The following EHMT1 variants were observed in gnomAD, a reference collection of about 807,000 sequenced individuals.
EHMT1 encodes the protein histone-lysine N-methyltransferase EHMT1.
Under a neutral mutation model 147.2 loss-of-function variants are expected in EHMT1, and 15 were observed. The observed-to-expected ratio is 0.10, with a 90% confidence interval of 0.07 to 0.16. The LOEUF (loss-of-function observed/expected upper bound fraction) is 0.16, where lower values mean the gene tolerates loss of function less well. Among genes scored for constraint, EHMT1 ranks in the 10% least tolerant of loss-of-function variants. The pLI is 1.00. For missense variants in EHMT1, 1,587 were observed against 1,772.4 expected, an observed-to-expected ratio of 0.90 and a Z score of 1.88; for synonymous variants, 795 against 709.6, an observed-to-expected ratio of 1.12 and a Z score of -1.91.
At chr9:137,697,558 TAGA>T (rs1188213995) in intron 1 of EHMT1, among the ~76,000 whole-genome samples, 3 of 150,736 alleles carry the variant, frequency 2.0e-5, no homozygotes, top group African/African-American at 7.3e-5. Context: ...TAGCCTCATG[TAGA>T]AGGACACTTT....
intron 1 of EHMT1, among the ~76,000 whole-genome samples, chr9:137,708,070 A>G (rs1302184366): frequency 1.3e-5 from 2 of 152,264 alleles, no homozygotes; most frequent in Non-Finnish European, 2.9e-5. Context: ...TTAAAAAATA[A>G]TAAAAGTAAA....
At chr9:137,748,604 C>T (rs1176041480) in intron 6 of EHMT1, among the ~76,000 whole-genome samples, 1 of 152,210 alleles carries the variant, frequency 6.6e-6, no homozygotes, top group Non-Finnish European at 1.5e-5. Context: ...TCGGAGCATC[C>T]CCTCTGCTGT....
chr9:137,718,223 G>A (rs1945558581), intron 3 of EHMT1, among the ~76,000 whole-genome samples: 1 of 152,238 alleles, frequency 6.6e-6, no homozygotes, highest in African/African-American at 2.4e-5. Context: ...CACACACAGG[G>A]CACGCGTGCT....
chr9:137,639,545 C>G (rs1844330943), intron 1 of EHMT1, among the ~76,000 whole-genome samples: 1 of 152,156 alleles, frequency 6.6e-6, no homozygotes, highest in Non-Finnish European at 1.5e-5. Context: ...TTTGACACTT[C>G]TCTCATTATG....
chr9:137,825,197 C>T (rs1186344052), intron 25 of EHMT1, among the ~76,000 whole-genome samples: 1 of 152,182 alleles, frequency 6.6e-6, no homozygotes, highest in Admixed American at 6.5e-5. Context: ...TGCCACGCTG[C>T]CTTCCTCACA....
chr9:137,834,544 C>T lies in EHMT1; in HGVS notation c.3716+20C>T, dbSNP rs746425128. The T allele has an allele frequency of 1.2e-6, 2 of 1,608,628 alleles. No individual in the cohort carries two copies. Among genetic ancestry groups the T allele is most frequent in the East Asian group, 4.5e-5 (2 of 44,848 alleles). ...GCTCGGGTACGCACCGCCCCGGCCC[C>T]TGGCCATCTCCGCTGCCGGCGGGAC... is the stretch of plus-strand genomic sequence containing the variant. On this transcript the variant is annotated intron_variant, in intron 26 of 26. Coordinates refer to ENST00000460843, the MANE Select transcript of EHMT1 (RefSeq NM_024757.5).
At chr9:137,674,437 T>TGA (rs1941026005) in intron 1 of EHMT1, among the ~76,000 whole-genome samples, 1 of 152,220 alleles carries the variant, frequency 6.6e-6, no homozygotes, top group African/African-American at 2.4e-5. Context: ...CTCTGCAGGC[T>TGA]GACGGAGAAT....
intron 7 of EHMT1, among the ~76,000 whole-genome samples, chr9:137,753,599 G>A (rs1186636854): frequency 1.3e-5 from 2 of 152,254 alleles, no homozygotes; most frequent in African/African-American, 4.8e-5. Context: ...CCCGCCCACT[G>A]TGGCCTGCAC....
intron 15 of EHMT1, chr9:137,784,428 G>A (rs1017618780): frequency 1.3e-5 from 15 of 1,195,330 alleles, no homozygotes; most frequent in African/African-American, 7.8e-5. Context: ...TTTTTTGGTC[G>A]TTCGTGCATC....
intron 3 of EHMT1, among the ~76,000 whole-genome samples, chr9:137,721,200 A>AC (rs1488963890): frequency 0.059 from 471 of 7,956 alleles, no homozygotes; most frequent in African/African-American, 0.18. Context: ...TCTCACACTC[A>AC]CCCCTCCCAG....
At chr9:137,709,751 A>T (rs980984981) in intron 1 of EHMT1, among the ~76,000 whole-genome samples, 7 of 151,978 alleles carry the variant, frequency 4.6e-5, no homozygotes, top group Non-Finnish European at 1.0e-4. Context: ...GCTCCTAGTG[A>T]CCTCGGGCAA....
intron 8 of EHMT1, among the ~76,000 whole-genome samples, chr9:137,756,012 C>T (rs1040635686): frequency 6.6e-6 from 1 of 152,148 alleles, no homozygotes; most frequent in Non-Finnish European, 1.5e-5. Flanking sequence ...TTTCATTTTC[C>T]TAATGCTGTA....
chr9:137,818,360 A>T (rs1310127754), intron 25 of EHMT1, among the ~76,000 whole-genome samples: 3 of 152,204 alleles, frequency 2.0e-5, no homozygotes, highest in Non-Finnish European at 4.4e-5. Flanking sequence ...GAGCCTGTGC[A>T]GCCAACTGCC....
intron 2 of EHMT1, among the ~76,000 whole-genome samples, chr9:137,713,486 T>C (rs1330749408): frequency 6.6e-6 from 1 of 151,530 alleles, no homozygotes; most frequent in Non-Finnish European, 1.5e-5. Flanking sequence ...TTAGCCAGGA[T>C]GGTCTCCATC....
At chr9:137,634,458 T>C (rs1384193358) in intron 1 of EHMT1, among the ~76,000 whole-genome samples, 1 of 152,166 alleles carries the variant, frequency 6.6e-6, no homozygotes, top group East Asian at 1.9e-4. Context: ...ATAAATGTGA[T>C]GGTTAATTTC....
In EHMT1 at chr9:137,716,666, G is replaced by A; in HGVS notation, c.126G>A (p.Gln42=). Residue 42 remains glutamine, a synonymous_variant, in exon 3 of 27, where the codon CAG becomes CAA. Transcript: ENST00000460843. ...MAADEGSAEK[Q]AGEAHMAADG... is the part of the protein sequence containing the mutation. ...CCGATGAAGGCTCAGCAGAGAAACAGGCAGGAGAGGCCCACATGGCTGCGG... is the reference window on the plus strand; with the variant it reads ...CCGATGAAGGCTCAGCAGAGAAACAAGCAGGAGAGGCCCACATGGCTGCGG... 1.3e-6 allele frequency: 2 copies of A among 1,597,254 alleles called. No homozygotes were observed. The highest frequency in any genetic ancestry group is 2.2e-5 in the East Asian group (1 of 44,596).
At chr9:137,663,084 C>T (rs762845808) in intron 1 of EHMT1, among the ~76,000 whole-genome samples, 3 of 152,210 alleles carry the variant, frequency 2.0e-5, no homozygotes, top group South Asian at 2.1e-4. Context: ...TGAGCCACCG[C>T]GCCCAGTCCT....
chr9:137,768,105 A>AT (rs1395110365), intron 10 of EHMT1, among the ~76,000 whole-genome samples: 3 of 152,168 alleles, frequency 2.0e-5, no homozygotes, highest in African/African-American at 7.2e-5. Context: ...GGGCGACACC[A>AT]TTTAGGCTCA....
intron 1 of EHMT1, among the ~76,000 whole-genome samples, chr9:137,654,688 G>T (rs1473861704): frequency 6.6e-6 from 1 of 152,192 alleles, no homozygotes; most frequent in Non-Finnish European, 1.5e-5. Flanking sequence ...GACTGGAGAG[G>T]GTGGCTGGGG....
Sources: gnomAD v4.1 joint callset for allele counts (sites outside exome capture counted in the v4.1 genomes callset) on GRCh38, gnomAD v4.1.1 for gene constraint, MANE v1.5 for transcripts, NCBI Gene and HGNC (gene_info 2026-07-23, HGNC 2026-07-21) for gene names.